The following PRDM2 variants were observed in gnomAD, a reference collection of about 807,000 sequenced individuals.
PRDM2 encodes PR/SET domain 2, also known as PR domain zinc finger protein 2.
In PRDM2, 30 loss-of-function variants were observed where a neutral mutation model predicts 130.0. That is an observed-to-expected ratio of 0.23 (90% CI 0.17 to 0.31). The LOEUF is 0.31. Among genes scored for constraint, PRDM2 ranks in the 10% least tolerant of loss-of-function variants. The probability of loss-of-function intolerance (pLI) is 1.00; values close to 1 mark genes in which losing one functional copy is unlikely to be tolerated. For missense variants in PRDM2, 2,011 were observed against 2,108.4 expected, an observed-to-expected ratio of 0.95 and a Z score of 0.90; for synonymous variants, 871 against 782.4, an observed-to-expected ratio of 1.11 and a Z score of -1.89.
intron 1 of PRDM2, among the ~76,000 whole-genome samples, chr1:13,706,166 C>T (rs1251537074): frequency 6.6e-6 from 1 of 152,042 alleles, no homozygotes; most frequent in Non-Finnish European, 1.5e-5. Context: ...AACATTCTGC[C>T]CATTCCTTCC....
At chr1:13,813,898 C>T (rs1211815171) in intron 8 of PRDM2, among the ~76,000 whole-genome samples, 1 of 152,180 alleles carries the variant, frequency 6.6e-6, no homozygotes, top group East Asian at 1.9e-4. Flanking sequence ...GCTAGAGAGG[C>T]CTGGGAGGTC....
chr1:13,748,680 A>C (rs1643692035), intron 5 of PRDM2, among the ~76,000 whole-genome samples: 1 of 152,326 alleles, frequency 6.6e-6, no homozygotes, highest in Non-Finnish European at 1.5e-5. Context: ...ACTTCCAGTC[A>C]TACGTGGCTT....
At chr1:13,749,240 C>G in intron 5 of PRDM2, 121 bp from the exon 6 acceptor site, 1 of 956,940 alleles carries the variant, frequency 1.0e-6, no homozygotes, top group Non-Finnish European at 1.3e-6. Flanking sequence ...CGGGTGCGCG[C>G]GGCGCCGCCG....
rs1305590361 is a variant in PRDM2, at chr1:13,782,842, G to C, written c.5036+11G>C. The C allele has an allele frequency of 1.9e-6, 3 of 1,609,336 alleles. No individual in the cohort carries two copies. The East Asian group carries it at 6.7e-5, about 36-fold the overall frequency. Reference sequence around the variant, plus strand: ...GCTGAAGGACTTCAGGTAAGCTCAGGAGCTGGTGGGAGGGAAAGACCGGGA... The same window carrying C: ...GCTGAAGGACTTCAGGTAAGCTCAGCAGCTGGTGGGAGGGAAAGACCGGGA... On this transcript the variant is annotated intron_variant, in intron 8 of 9. Coordinates refer to ENST00000311066, the MANE Select transcript of PRDM2 (RefSeq NM_001393986.1).
In PRDM2 at chr1:13,779,404, G is replaced by A. The variant is rs747738022; in HGVS notation, c.1609G>A (p.Val537Met). Residue 537 changes from valine to methionine, a missense_variant, in exon 8 of 10, where the codon GTG (valine) becomes ATG (methionine). Val to Met is a conservative substitution (Grantham distance 21). This residue lies in a region of PRDM2 where 1,288 missense variants were observed against 1,237.7 expected (regional missense o/e 1.04). Coordinates refer to ENST00000311066, the MANE Select transcript of PRDM2 (RefSeq NM_001393986.1). This position sits in a 1 kb window ranked among gnomAD's most constrained non-coding sequence, Gnocchi z 4.9. ...PAEQAQATQN[V>M]YVPSTEPEEE... The stretch of plus-strand genomic sequence containing the variant: ...AGAACAGGCCCAGGCCACCCAGAAC[G>A]TGTATGTACCAAGCACAGAGCCGGA... The A allele has an allele frequency of 1.8e-5, 29 of 1,614,068 alleles. No individual in the cohort carries two copies. The highest frequency in any genetic ancestry group is 2.3e-5 in the Non-Finnish European group (27 of 1,180,040).
In PRDM2 at chr1:13,781,169, T is replaced by C; in HGVS notation, c.3374T>C (p.Val1125Ala). ...EPQSAAEQDV[V>A]VQETFNKNFV... ...CAGTCTGCTGCTGAACAGGATGTTG[T>C]TGTTCAGGAAACATTCAACAAAAAC... Residue 1125 changes from valine (V) to alanine (A), a missense_variant, in exon 8 of 10, where the codon GTT (valine) becomes GCT (alanine). Physicochemically the swap from Val to Ala is moderately conservative, Grantham distance 64 (BLOSUM62 0). Transcript: ENST00000311066. The surrounding 1 kb of genome is among the most constrained non-coding windows in gnomAD (Gnocchi z 6.1). 2 of 1,614,206 alleles carry C rather than the reference T, an allele frequency of 1.2e-6. No individual in the cohort carries two copies. The highest frequency in any genetic ancestry group is 1.7e-6 in the Non-Finnish European group (2 of 1,180,046).
At chr1:13,714,372 A>C (rs1169579233) in intron 1 of PRDM2, among the ~76,000 whole-genome samples, 1 of 150,210 alleles carries the variant, frequency 6.7e-6, no homozygotes, top group Non-Finnish European at 1.5e-5. Context: ...CTTGCTTACC[A>C]AGAGTTTATA....
intron 9 of PRDM2, 22 bp downstream of exon 9, chr1:13,816,592 C>T: frequency 6.2e-7 from 1 of 1,612,682 alleles, no homozygotes. Context: ...GATGGAACAG[C>T]TTCTGGCACT....
At chr1:13,819,074 C>T (rs1225753611) in intron 9 of PRDM2, among the ~76,000 whole-genome samples, 1 of 152,170 alleles carries the variant, frequency 6.6e-6, no homozygotes, top group Non-Finnish European at 1.5e-5. Flanking sequence ...TGTCCAGCAT[C>T]CTCCTTGCGG....
intron 2 of PRDM2, among the ~76,000 whole-genome samples, chr1:13,718,957 C>T (rs902104752): frequency 6.6e-6 from 1 of 152,156 alleles, no homozygotes; most frequent in Non-Finnish European, 1.5e-5. Flanking sequence ...TTCCCTCATT[C>T]ATCGTGGACA....
chr1:13,748,381 A>G (rs1643681007), intron 5 of PRDM2, among the ~76,000 whole-genome samples: 1 of 152,200 alleles, frequency 6.6e-6, no homozygotes, highest in South Asian at 2.1e-4. Flanking sequence ...TTTACTGATT[A>G]GTTGGGATCT....
chr1:13,746,799 C>T (rs1266440840), intron 5 of PRDM2, among the ~76,000 whole-genome samples: 2 of 152,168 alleles, frequency 1.3e-5, no homozygotes, highest in East Asian at 1.9e-4. Flanking sequence ...TCAAGCGATT[C>T]GCCTGCCTTG....
intron 6 of PRDM2, among the ~76,000 whole-genome samples, chr1:13,770,136 T>G (rs1453279259): frequency 6.6e-6 from 1 of 152,152 alleles, no homozygotes; most frequent in Non-Finnish European, 1.5e-5. Flanking sequence ...ATGTACCTAC[T>G]GCAAATGGCT....
chr1:13,749,607 C>A (rs984869917), intron 6 of PRDM2, 120 bp downstream of exon 6: 2 of 552,240 alleles, frequency 3.6e-6, no homozygotes, highest in Admixed American at 1.3e-4. Context: ...GGCGGCGGCG[C>A]CCGCGGCATC....
At chr1:13,795,220 T>C (rs1246052772) in intron 8 of PRDM2, among the ~76,000 whole-genome samples, 1 of 152,160 alleles carries the variant, frequency 6.6e-6, no homozygotes, top group Non-Finnish European at 1.5e-5. Flanking sequence ...ACAATAATAA[T>C]GTAAGGATGA....
At position 13,803,135 on chromosome 1, in the gene PRDM2, T is replaced by A. The variant is rs1283463943; in HGVS notation, c.5037-13292T>A. ...GAGGCCTGAGGGCTGTAGGGTTAGGTTCACAGAACTGTCGTAAAAATGGGG... is the reference window on the plus strand; with the variant it reads ...GAGGCCTGAGGGCTGTAGGGTTAGGATCACAGAACTGTCGTAAAAATGGGG... On this transcript the variant is annotated intron_variant, in intron 8 of 9. Transcript: ENST00000311066. The surrounding 1 kb of genome is among the most constrained non-coding windows in gnomAD (Gnocchi z 6.2). Among the ~76,000 whole-genome samples, 1 of 152,118 alleles carries A rather than the reference T, an allele frequency of 6.6e-6. No homozygotes were observed. The highest frequency in any genetic ancestry group is 1.5e-5 in the Non-Finnish European group (1 of 68,006).
At chr1:13,768,147 G>A (rs1644273087) in intron 6 of PRDM2, among the ~76,000 whole-genome samples, 1 of 142,142 alleles carries the variant, frequency 7.0e-6, no homozygotes. Context: ...GCGTGATCTC[G>A]GCTCACTGCA....
At chr1:13,723,522 C>T (rs1019627715) in intron 2 of PRDM2, among the ~76,000 whole-genome samples, 1 of 152,220 alleles carries the variant, frequency 6.6e-6, no homozygotes, top group Non-Finnish European at 1.5e-5. Flanking sequence ...GAAGGATCAG[C>T]AGCAGGGTTT....
In PRDM2 at chr1:13,823,262, T is replaced by A. The variant is rs570297325; in HGVS notation, c.*127T>A. The A allele has an allele frequency of 4.1e-4, 621 of 1,510,410 alleles. 3 individuals are homozygous for A. The highest frequency in any genetic ancestry group is 3.9e-3 in the Middle Eastern group (23 of 5,868). The allele number at this position is 1,510,410 out of a possible 1,614,324, so 93.6% of individuals were successfully genotyped here. A position where few individuals can be genotyped will look rare whatever the true frequency, so the allele number is the denominator to read the frequency against. On this transcript the variant is annotated 3_prime_UTR_variant, in exon 10 of 10. Transcript: ENST00000311066. ...GTGTGAGGCTGCGAGAGAAAGGGAG[T>A]GCATGTGCGCGCGTGCATGTGTGCG...
Sources: gnomAD v4.1 joint callset for allele counts (sites outside exome capture counted in the v4.1 genomes callset) on GRCh38, gnomAD v4.1.1 for gene constraint, gnomAD v4.1.1 regional missense constraint, Gnocchi (gnomAD v3.1) non-coding constraint, MANE v1.5 for transcripts, NCBI Gene and HGNC (gene_info 2026-07-23, HGNC 2026-07-21) for gene names.